The following FAT1 variants were observed in gnomAD, a reference collection of about 807,000 sequenced individuals.
FAT1 encodes FAT atypical cadherin 1, also known as protocadherin Fat 1.
FAT1 carries 171 observed loss-of-function variants against 329.8 expected under a neutral mutation model. The observed-to-expected ratio is 0.52, with a 90% CI of 0.46 to 0.59. The LOEUF is 0.59. Ranked by LOEUF, FAT1 falls within the 20% of genes least tolerant of loss-of-function variation. The pLI is 0.00. For synonymous variants in FAT1, 2,233 were observed against 2,228.6 expected (o/e 1.00, Z -0.06); for missense variants, 5,672 against 5,774.4 (o/e 0.98, Z 0.57).
At chr4:186,663,664 C>A (rs1579411011) in intron 2 of FAT1, 51 bp from the exon 3 acceptor site, 4 of 1,437,746 alleles carry the variant, frequency 2.8e-6, no homozygotes, top group Non-Finnish European at 3.8e-6. Context: ...ACCAAAACTG[C>A]CAGCTTCAGA....
In FAT1 at chr4:186,723,768, G is replaced by A. The variant is rs1264465333; in HGVS notation, c.-123C>T. Reference sequence around the variant, plus strand: ...GCCTGCCGGGGCCCTCGCCGGGCTCGCGCGTCCGCATGGTACCTGCCGCAC... The same window carrying A: ...GCCTGCCGGGGCCCTCGCCGGGCTCACGCGTCCGCATGGTACCTGCCGCAC... On this transcript the variant is annotated 5_prime_UTR_variant, in exon 1 of 27. Coordinates refer to ENST00000441802, the MANE Select transcript of FAT1 (RefSeq NM_005245.4). The A allele has an allele frequency of 6.6e-6, 1 of 150,684 alleles. No individual in the cohort carries two copies. Among genetic ancestry groups the A allele is most frequent in the African/African-American group, 2.4e-5 (1 of 41,176 alleles). The allele number at this position is 150,684 out of a possible 1,614,324, so 9.3% of individuals were successfully genotyped here.
intron 17 of FAT1, among the ~76,000 whole-genome samples, chr4:186,605,419 G>T (rs1487653296): frequency 1.5e-5 from 2 of 137,132 alleles, no homozygotes; most frequent in Non-Finnish European, 3.1e-5. Context: ...AAGTGGAGTA[G>T]GGAGGAGGTT....
chr4:186,640,174 A>G (rs1322196938), intron 3 of FAT1, among the ~76,000 whole-genome samples: 1 of 152,196 alleles, frequency 6.6e-6, no homozygotes, highest in Non-Finnish European at 1.5e-5. Flanking sequence ...AGTCTGAGCA[A>G]ATTTCTTCTC....
rs1739842212 is a variant in FAT1 at position 186,618,524 on chromosome 4, G to A, written c.8062C>T (p.Leu2688Phe). 1 of 1,614,000 alleles carries A rather than the reference G, an allele frequency of 6.2e-7. No homozygotes were observed. The highest frequency in any genetic ancestry group is 8.5e-7 in the Non-Finnish European group (1 of 1,179,880). ...NGSPSKESVV[L>F]VYVKILPPEM... is the part of the protein sequence containing the mutation. ...GGTGGAAGGATTTTAACATAGACAAGAACAACAGATTCTTTTGATGGAGAC... is the reference window on the plus strand; with the variant it reads ...GGTGGAAGGATTTTAACATAGACAAAAACAACAGATTCTTTTGATGGAGAC... Residue 2688 changes from leucine to phenylalanine, a missense_variant, in exon 10 of 27, where the codon CTT becomes TTT. Transcript: ENST00000441802.
Position 186,620,244 on chromosome 4 carries a change from C to T in FAT1, c.6342G>A (p.Gly2114=), listed in dbSNP as rs1179370881. The change falls in exon 10 of 27, where the codon GGG becomes GGA. Residue 2114 remains glycine, a synonymous_variant. Transcript: ENST00000441802. ...GTTCCTTGAGGTAGTAATGCACTTCCCCGTTTCTGCCACTGTCTCTGTCTA... is the reference window on the plus strand; with the variant it reads ...GTTCCTTGAGGTAGTAATGCACTTCTCCGTTTCTGCCACTGTCTCTGTCTA... The part of the protein sequence containing the change: ...TAVDRDSGRN[G]EVHYYLKEHH... 9 of 1,613,880 alleles carry T rather than the reference C, an allele frequency of 5.6e-6. No homozygotes were observed. Among genetic ancestry groups the T allele is most frequent in the South Asian group, 1.1e-5 (1 of 91,080 alleles).
chr4:186,609,428 T>C, intron 15 of FAT1, 108 bp from the exon 16 acceptor site: 1 of 1,332,188 alleles, frequency 7.5e-7, no homozygotes, highest in Non-Finnish European at 1.0e-6. Context: ...GTTGTTGTTT[T>C]TTTTTTGAGA....
rs1316454504 is a variant in FAT1, at chr4:186,622,125, G to A, written c.4811-350C>T. On this transcript the variant is annotated intron_variant, in intron 9 of 26. Transcript: ENST00000441802. ...CAGTTGAGTGAGTCACTTTCCAGGA[G>A]TCCCTCAAAACACTTCTGGACCACA... is the stretch of plus-strand genomic sequence containing the variant. Among the ~76,000 whole-genome samples the A allele has an allele frequency of 5.3e-5, 8 of 152,302 alleles. No homozygotes were observed. In the East Asian group the frequency reaches 1.5e-3, roughly 29 times the overall value.
chr4:186,597,092 G>A lies in FAT1; in HGVS notation c.12448C>T (p.His4150Tyr), dbSNP rs2126394807. ...CTGTACTCGTGGCTGCAGTTGCAGTGATAGGAGCCGTGCGTGTTCTCACAG... is the reference window on the plus strand; with the variant it reads ...CTGTACTCGTGGCTGCAGTTGCAGTAATAGGAGCCGTGCGTGTTCTCACAG... The part of the protein sequence containing the change: ...ALCENTHGSY[H>Y]CNCSHEYRGR... The change falls in exon 25 of 27, where the codon CAC becomes TAC. Residue 4150 changes from histidine (H) to tyrosine (Y), a missense_variant. This residue lies in a region of FAT1 where 1,706 missense variants were observed against 1,859.1 expected (regional missense o/e 0.92). Coordinates refer to ENST00000441802, the MANE Select transcript of FAT1 (RefSeq NM_005245.4). The A allele has an allele frequency of 1.2e-6, 2 of 1,614,042 alleles. No individual in the cohort carries two copies. The highest frequency in any genetic ancestry group is 1.7e-6 in the Non-Finnish European group (2 of 1,179,904).
chr4:186,651,068 T>G (rs1451066937), intron 3 of FAT1, among the ~76,000 whole-genome samples: 1 of 149,228 alleles, frequency 6.7e-6, no homozygotes, highest in Non-Finnish European at 1.5e-5. Context: ...TTATTTATTA[T>G]TAATAATTGA....
At chr4:186,716,539 C>A (rs905261068) in intron 1 of FAT1, among the ~76,000 whole-genome samples, 1 of 152,124 alleles carries the variant, frequency 6.6e-6, no homozygotes, top group East Asian at 1.9e-4. Context: ...GTGATCCTCC[C>A]GCCTCCGCCT....
chr4:186,700,275 A>G (rs757234431), intron 2 of FAT1, among the ~76,000 whole-genome samples: 2 of 152,252 alleles, frequency 1.3e-5, no homozygotes, highest in Non-Finnish European at 2.9e-5. Flanking sequence ...TGTCCAGTTC[A>G]GATGGGCAGC....
chr4:186,603,118 T>A (rs1332838268), intron 19 of FAT1, 58 bp downstream of exon 19: 17 of 1,608,160 alleles, frequency 1.1e-5, no homozygotes, highest in Non-Finnish European at 1.3e-5. Flanking sequence ...CATCAAAGGC[T>A]TCAAAGGCCG....
intron 2 of FAT1, among the ~76,000 whole-genome samples, chr4:186,671,741 G>C (rs1486194316): frequency 1.3e-5 from 2 of 152,042 alleles, no homozygotes; most frequent in East Asian, 3.8e-4. Context: ...ATACTAGTTT[G>C]ACATGCAGTA....
At chr4:186,617,568 T>C in intron 10 of FAT1, 140 bp downstream of exon 10, 2 of 717,226 alleles carry the variant, frequency 2.8e-6, no homozygotes, top group Non-Finnish European at 4.3e-6. Flanking sequence ...CAACAGATGT[T>C]ATTTCTACGT....
At position 186,620,285 on chromosome 4, in the gene FAT1, G is replaced by T. The variant is rs1246955615; in HGVS notation, c.6301C>A (p.Arg2101Ser). ...KVDTEVGHVI[R>S]YVTAVDRDSG... is the part of the protein sequence containing the mutation. ...TCTCTGTCTACAGCAGTGACATAGC[G>T]AATGACATGGCCCACCTCAGTGTCC... The change falls in exon 10 of 27, where the codon CGC becomes AGC. Residue 2101 changes from arginine (R) to serine (S), a missense_variant. Arg to Ser is a moderately radical substitution (Grantham distance 110). This residue lies in a region of FAT1 where 3,966 missense variants were observed against 3,915.2 expected (regional missense o/e 1.01). Transcript: ENST00000441802. 6.2e-7 allele frequency: 1 copy of T among 1,613,962 alleles called. No individual in the cohort carries two copies. Among genetic ancestry groups the T allele is most frequent in the Non-Finnish European group, 8.5e-7 (1 of 1,179,898 alleles).
In FAT1 at chr4:186,663,612, A is replaced by T. The variant is rs1742289707; in HGVS notation, c.3267T>A (p.Gly1089=). ...VGVFKIGEET[G]VIETSDRLDR... ...CCAGTCGATCTGACGTCTCTATGAC[A>T]CCTACAGAGAAAAAAGAAAAGCGTA... is the stretch of plus-strand genomic sequence containing the variant. Residue 1089 remains glycine (G), a splice_region_variant and synonymous_variant, in exon 3 of 27, where the codon GGT becomes GGA. Transcript: ENST00000441802. The T allele has an allele frequency of 6.3e-7, 1 of 1,598,422 alleles. No individual in the cohort carries two copies.
rs372757271 is a variant in FAT1 at position 186,589,174 on chromosome 4, C to T, written c.13185G>A (p.Pro4395=). 3.3e-5 allele frequency: 54 copies of T among 1,613,414 alleles called. No individual in the cohort carries two copies. Among genetic ancestry groups the T allele is most frequent in the South Asian group, 6.6e-5 (6 of 90,970 alleles). The stretch of plus-strand genomic sequence containing the variant: ...CATAGTTGGGGAACTCTTGTATGTC[C>T]GGCAGAGGAACGCTTGGCATCCAAT... ...TSDWMPSVPL[P]DIQEFPNYEV... The change falls in exon 27 of 27, where the codon CCG becomes CCA. Residue 4395 remains proline, a synonymous_variant. Coordinates refer to ENST00000441802, the MANE Select transcript of FAT1 (RefSeq NM_005245.4).
chr4:186,724,321 T>C (rs1745631605), upstream of FAT1, among the ~76,000 whole-genome samples: 1 of 151,510 alleles, frequency 6.6e-6, no homozygotes, highest in Non-Finnish European at 1.5e-5. The surrounding 1 kb of genome is among the most constrained non-coding windows in gnomAD (Gnocchi z 5.3). Flanking sequence ...GAAGGTTTGG[T>C]GGGCTGAAGT....
In FAT1 at chr4:186,616,995, A is replaced by T. The variant is rs1560936963; in HGVS notation, c.9075+10T>A. 3.7e-6 allele frequency: 6 copies of T among 1,604,046 alleles called. No individual in the cohort carries two copies. Among genetic ancestry groups the T allele is most frequent in the Non-Finnish European group, 5.1e-6 (6 of 1,174,624 alleles). On this transcript the variant is annotated intron_variant, in intron 11 of 26. Coordinates refer to ENST00000441802, the MANE Select transcript of FAT1 (RefSeq NM_005245.4). ...TCATAACACACAAATGTAAGGGAAG[A>T]GCTGCTTACCTTTTCACAAACTGGA...
Sources: gnomAD v4.1 joint callset for allele counts (sites outside exome capture counted in the v4.1 genomes callset) on GRCh38, gnomAD v4.1.1 for gene constraint, gnomAD v4.1.1 regional missense constraint, Gnocchi (gnomAD v3.1) non-coding constraint, MANE v1.5 for transcripts, NCBI Gene and HGNC (gene_info 2026-07-23, HGNC 2026-07-21) for gene names.